The following ARRB2 variants were observed in gnomAD, a reference collection of about 807,000 sequenced individuals.
The protein encoded by ARRB2 is beta-arrestin-2.
In ARRB2, 21 loss-of-function variants were observed where a neutral mutation model predicts 53.4. That is an observed-to-expected ratio of 0.39 (90% CI 0.28 to 0.57). The LOEUF is 0.57. Among genes scored for constraint, ARRB2 ranks in the 20% least tolerant of loss-of-function variants. The pLI, the probability that ARRB2 is intolerant of heterozygous loss-of-function variation, is 0.55. For missense variants in ARRB2, 369 were observed against 527.5 expected, an observed-to-expected ratio of 0.70 and a Z score of 2.94; for synonymous variants, 180 against 212.9, an observed-to-expected ratio of 0.85 and a Z score of 1.34.
chr17:4,717,413 T>G lies in ARRB2; in HGVS notation c.417+137T>G. On this transcript the variant is annotated intron_variant, in intron 6 of 14. Coordinates refer to ENST00000269260, the MANE Select transcript of ARRB2 (RefSeq NM_004313.4). This position sits in a 1 kb window ranked among gnomAD's most constrained non-coding sequence, Gnocchi z 6.0. ...GGTAGGCCAGTGTCCCCCGTGGAAG[T>G]GGGGCGTATGTGGTGGTCATTGTGC... is the stretch of plus-strand genomic sequence containing the variant. 1.8e-6 allele frequency: 2 copies of G among 1,120,180 alleles called. No homozygotes were observed. The highest frequency in any genetic ancestry group is 1.8e-5 in the Admixed American group (1 of 54,868). 69.4% of individuals were successfully genotyped at this position (1,120,180 alleles called of 1,614,324 possible).
At chr17:4,711,056 GGT>G (rs772039446) in intron 1 of ARRB2, among the ~76,000 whole-genome samples, 136 of 152,224 alleles carry the variant, frequency 8.9e-4, no homozygotes, top group Non-Finnish European at 9.0e-4. Flanking sequence ...AGGAGGAGCA[GGT>G]GGCTGGCCCC....
chr17:4,720,914 C>T (rs1346659908), intron 14 of ARRB2, 32 bp from the exon 15 acceptor site: 5 of 1,606,432 alleles, frequency 3.1e-6, no homozygotes, highest in Non-Finnish European at 4.3e-6. Flanking sequence ...GTCAGAAGCC[C>T]TCACCTCACA....
intron 11 of ARRB2, 118 bp from the exon 12 acceptor site, chr17:4,720,097 TG>T: frequency 9.8e-7 from 1 of 1,015,912 alleles, no homozygotes; most frequent in Non-Finnish European, 1.5e-6. Flanking sequence ...CCTGGGCTGC[TG>T]GGGCCCTGGG....
intron 2 of ARRB2, chr17:4,715,430 T>C (rs1411058089): frequency 3.4e-6 from 1 of 294,608 alleles, no homozygotes; most frequent in Non-Finnish European, 6.4e-6. Flanking sequence ...GCAGCTGCTC[T>C]CTAGCTGGCT....
intron 1 of ARRB2, among the ~76,000 whole-genome samples, chr17:4,712,854 T>A (rs908416064): frequency 6.6e-6 from 1 of 152,240 alleles, no homozygotes; most frequent in African/African-American, 2.4e-5. Flanking sequence ...TGCCTTGGTT[T>A]CTATTAATTC....
rs545981724 is a variant in ARRB2, at chr17:4,717,290, A to G, written c.417+14A>G. The G allele has an allele frequency of 1.2e-6, 2 of 1,613,936 alleles. No homozygotes were observed. Among genetic ancestry groups the G allele is most frequent in the African/African-American group, 2.7e-5 (2 of 75,058 alleles). On this transcript the variant is annotated intron_variant, in intron 6 of 14. Transcript: ENST00000269260. The surrounding 1 kb of genome is among the most constrained non-coding windows in gnomAD (Gnocchi z 6.0). ...GATACAGGAAAGGTACGGGAGGAAC[A>G]GCTCTGAGGGCTCCTAGGGCAGGAC...
At chr17:4,719,242 C>T in intron 10 of ARRB2, 41 bp from the exon 11 acceptor site, 1 of 1,591,488 alleles carries the variant, frequency 6.3e-7, no homozygotes. Flanking sequence ...TTGCCCAGCC[C>T]AGCGCCCCTA....
chr17:4,715,694 G>GACACACACAC (rs150787978), intron 2 of ARRB2: 323 of 443,492 alleles, frequency 7.3e-4, no homozygotes, highest in South Asian at 6.6e-3. Flanking sequence ...GTTGGCTGAG[G>GACACACACAC]ACACACACAC....
chr17:4,719,153 C>A, intron 10 of ARRB2, 130 bp from the exon 11 acceptor site: 1 of 1,139,304 alleles, frequency 8.8e-7, no homozygotes, highest in Non-Finnish European at 1.2e-6. Context: ...GAGCCAAAAC[C>A]TACTCCCTTG....
In ARRB2 at chr17:4,716,524, G is replaced by GGCCCCCCCCCCCCC; in HGVS notation, c.273_274insGCCCCCCCCCCCCC (p.Pro92AlafsTer20). On this transcript the variant is annotated frameshift_variant, in exon 5 of 15. Transcript: ENST00000269260. LOFTEE classifies it high-confidence loss of function. The stretch of plus-strand genomic sequence containing the variant: ...CCACCTACCAGGCCTTCCCCCCGGT[G>GGCCCCCCCCCCCCC]CCCAACCCACCCCGGCCCCCCACCC... 6.3e-7 allele frequency: 1 copy of GGCCCCCCCCCCCCC among 1,599,108 alleles called. No homozygotes were observed. The highest frequency in any genetic ancestry group is 8.5e-7 in the Non-Finnish European group (1 of 1,173,052).
rs200024889 is a variant in ARRB2, at chr17:4,716,705, C to T, written c.357+97C>T. 123 of 1,481,142 alleles carry T rather than the reference C, an allele frequency of 8.3e-5. No homozygotes were observed. The East Asian group carries it at 2.9e-3, about 34-fold the overall frequency. 91.7% of individuals were successfully genotyped at this position (1,481,142 alleles called of 1,614,324 possible). A position where few individuals can be genotyped will look rare whatever the true frequency, so the allele number is the denominator to read the frequency against. ...CTGCTGTGGGCAGATCTGGAAGAAACAGTGAGGCAGGGACCCTAGATCCAC... is the reference window on the plus strand; with the variant it reads ...CTGCTGTGGGCAGATCTGGAAGAAATAGTGAGGCAGGGACCCTAGATCCAC... On this transcript the variant is annotated intron_variant, in intron 5 of 14. Coordinates refer to ENST00000269260, the MANE Select transcript of ARRB2 (RefSeq NM_004313.4).
rs1915598062 is a variant in ARRB2, at chr17:4,720,566, C to G, written c.1082-20C>G. 6.3e-7 allele frequency: 1 copy of G among 1,575,136 alleles called. No individual in the cohort carries two copies. The highest frequency in any genetic ancestry group is 1.4e-5 in the African/African-American group (1 of 73,324). ...CCCTTCCAGCACCCACCCCCACACCCCCTCTTCCCGTCCCCCCAGCCGCTC... is the reference window on the plus strand; with the variant it reads ...CCCTTCCAGCACCCACCCCCACACCGCCTCTTCCCGTCCCCCCAGCCGCTC... On this transcript the variant is annotated intron_variant, in intron 13 of 14. Coordinates refer to ENST00000269260, the MANE Select transcript of ARRB2 (RefSeq NM_004313.4).
Position 4,718,610 on chromosome 17 carries a change from A to G in ARRB2, c.707-2A>G. 1.2e-6 allele frequency: 2 copies of G among 1,613,218 alleles called. No individual in the cohort carries two copies. The highest frequency in any genetic ancestry group is 1.1e-5 in the South Asian group (1 of 91,066). On this transcript the variant is annotated splice_acceptor_variant, in intron 9 of 14. Coordinates refer to ENST00000269260, the MANE Select transcript of ARRB2 (RefSeq NM_004313.4). LOFTEE classifies it high-confidence loss of function. ...GCTGCCTGACCCCGTCCCACCCCAC[A>G]GTGAGACAGTACGCCGACATCTGCC...
Position 4,716,522 on chromosome 17 carries a change from G to C in ARRB2, c.271G>C (p.Val91Leu), listed in dbSNP as rs1325999857. The change falls in exon 5 of 15, where the codon GTG (valine) becomes CTG (leucine). Residue 91 changes from valine (V) to leucine (L), a missense_variant. Transcript: ENST00000269260. Reference sequence around the variant, plus strand: ...CGCCACCTACCAGGCCTTCCCCCCGGTGCCCAACCCACCCCGGCCCCCCAC... The same window carrying C: ...CGCCACCTACCAGGCCTTCCCCCCGCTGCCCAACCCACCCCGGCCCCCCAC... The part of the protein sequence containing the change: ...FIATYQAFPP[V>L]PNPPRPPTRL... 6 of 1,612,566 alleles carry C rather than the reference G, an allele frequency of 3.7e-6. No homozygotes were observed. Among genetic ancestry groups the C allele is most frequent in the South Asian group, 2.2e-5 (2 of 91,004 alleles).
At chr17:4,714,961 G>A (rs1478578682) in intron 1 of ARRB2, 52 bp from the exon 2 acceptor site, 2 of 1,564,066 alleles carry the variant, frequency 1.3e-6, no homozygotes, top group African/African-American at 1.3e-5. Flanking sequence ...CTGGTGTGGG[G>A]TCCCTGCTGA....
chr17:4,711,320 G>A (rs988850174), intron 1 of ARRB2, among the ~76,000 whole-genome samples: 2 of 152,032 alleles, frequency 1.3e-5, no homozygotes, highest in African/African-American at 2.4e-5. Flanking sequence ...TCTCTCTGGG[G>A]GTGGGGGAGG....
In ARRB2 at chr17:4,715,978, C is replaced by T. The variant is rs1305746020; in HGVS notation, c.60C>T (p.Thr20=). 6 of 1,614,176 alleles carry T rather than the reference C, an allele frequency of 3.7e-6. No homozygotes were observed. Among genetic ancestry groups the T allele is most frequent in the Admixed American group, 3.3e-5 (2 of 60,026 alleles). ...FKKSSPNCKL[T]VYLGKRDFVD... ...TGACCCCTTGACATCCTCAGCTCAC[C>T]GTGTACTTGGGCAAGCGGGACTTCG... Residue 20 remains threonine, a synonymous_variant, in exon 3 of 15, where the codon ACC becomes ACT. Transcript: ENST00000269260.
chr17:4,716,046 A>G lies in ARRB2; in HGVS notation c.115+13A>G, dbSNP rs1298246272. The G allele has an allele frequency of 6.2e-7, 1 of 1,614,220 alleles. No homozygotes were observed. Among genetic ancestry groups the G allele is most frequent in the Non-Finnish European group, 8.5e-7 (1 of 1,180,034 alleles). ...GTGGACCCTGTAGGTAAGTTTTCCC[A>G]GAAAGGGACAGCTCGTTCCCCAAGA... On this transcript the variant is annotated intron_variant, in intron 3 of 14. Coordinates refer to ENST00000269260, the MANE Select transcript of ARRB2 (RefSeq NM_004313.4).
chr17:4,711,851 TG>T (rs1298255284), intron 1 of ARRB2, among the ~76,000 whole-genome samples: 4 of 152,220 alleles, frequency 2.6e-5, no homozygotes, highest in African/African-American at 7.2e-5. Flanking sequence ...CATGAAATTC[TG>T]GGCCACAGGA....
Sources: allele counts gnomAD v4.1 joint callset (sites outside exome capture counted in the v4.1 genomes callset), GRCh38; gene constraint gnomAD v4.1.1; non-coding constraint Gnocchi (gnomAD v3.1); transcripts MANE v1.5; gene names NCBI Gene and HGNC (gene_info 2026-07-23, HGNC 2026-07-21).